Variants in HOMER2 observed in about 807,000 individuals in gnomAD.
HOMER2 encodes the protein homer scaffold protein 2.
Under a neutral mutation model 47.0 loss-of-function variants are expected in HOMER2, and 27 were observed. The observed-to-expected ratio is 0.57, with a 90% CI of 0.42 to 0.79. The LOEUF is 0.79. HOMER2 is among the 30% of genes least tolerant of loss of function. The pLI, the probability that HOMER2 is intolerant of heterozygous loss-of-function variation, is 0.00. For missense variants in HOMER2, 443 were observed against 435.0 expected, an observed-to-expected ratio of 1.02 and a Z score of -0.16; for synonymous variants, 161 against 163.8, an observed-to-expected ratio of 0.98 and a Z score of 0.13.
chr15:82,954,263 A>C (rs1302373754), upstream of HOMER2, among the ~76,000 whole-genome samples: 1 of 152,094 alleles, frequency 6.6e-6, no homozygotes, highest in African/African-American at 2.4e-5. Context: ...CAAGCCACTG[A>C]AATCAGAGTT....
In HOMER2 at chr15:82,879,459, T is replaced by C. The variant is rs956756269; in HGVS notation, c.163-4055A>G. 6.6e-5 allele frequency among the ~76,000 whole-genome samples: 10 copies of C among 152,278 alleles called. No individual in the cohort carries two copies. The South Asian group carries it at 1.0e-3, about 16-fold the overall frequency. On this transcript the variant is annotated intron_variant, in intron 2 of 8. Transcript: ENST00000450735. ...CTGCAGTGAGCCGTGATCGTGCCAC[T>C]GTACTCTAGCCTGGGTGACAAAAGT... is the stretch of plus-strand genomic sequence containing the variant.
At chr15:82,954,233 T>A (rs541942279), upstream of HOMER2, among the ~76,000 whole-genome samples, 1 of 152,224 alleles carries the variant, frequency 6.6e-6, no homozygotes, top group East Asian at 1.9e-4. Context: ...GATTCTGAAG[T>A]GTTCGAATAA....
downstream of HOMER2, chr15:82,847,273 A>G (rs1486108007): frequency 6.6e-6 from 1 of 152,284 alleles, no homozygotes; most frequent in East Asian, 1.9e-4. Context: ...GTAAATGAAA[A>G]GACACTGAGA....
chr15:82,948,072 C>T (rs1281170704), intron 1 of HOMER2, among the ~76,000 whole-genome samples: 1 of 152,098 alleles, frequency 6.6e-6, no homozygotes, highest in African/African-American at 2.4e-5. Flanking sequence ...TGGTAAAACC[C>T]CATCTCTACT....
At chr15:82,893,149 T>C (rs1041880710) in intron 1 of HOMER2, among the ~76,000 whole-genome samples, 1 of 152,200 alleles carries the variant, frequency 6.6e-6, no homozygotes, top group Non-Finnish European at 1.5e-5. Context: ...CTATACTTTT[T>C]CTGACATCCT....
At chr15:82,858,358 C>T (rs1052241388) in intron 5 of HOMER2, among the ~76,000 whole-genome samples, 2 of 151,960 alleles carry the variant, frequency 1.3e-5, no homozygotes, top group Non-Finnish European at 2.9e-5. Flanking sequence ...GGTGCAATCT[C>T]AGCTCACTGC....
intron 1 of HOMER2, among the ~76,000 whole-genome samples, chr15:82,934,371 C>T (rs182981234): frequency 1.3e-5 from 2 of 152,156 alleles, no homozygotes; most frequent in Admixed American, 1.3e-4. Flanking sequence ...GTTCCTCAGC[C>T]TCTTCCACTC....
rs2051885458 is a variant in HOMER2, at chr15:82,864,147, T to C, written c.387+20A>G. 9.1e-6 allele frequency: 14 copies of C among 1,542,506 alleles called. No individual in the cohort carries two copies. Among genetic ancestry groups the C allele is most frequent in the Non-Finnish European group, 1.2e-5 (14 of 1,121,262 alleles). ...TATCACCAACCCCACTGGGATTTAC[T>C]TCATAGACTAATGTCTTACTTGGGA... On this transcript the variant is annotated intron_variant, in intron 4 of 8. Transcript: ENST00000450735.
chr15:82,949,495 T>G (rs1272347715), intron 1 of HOMER2, among the ~76,000 whole-genome samples: 1 of 152,104 alleles, frequency 6.6e-6, no homozygotes, highest in East Asian at 1.9e-4. Context: ...GGCTGAGATC[T>G]GGCAACCCCC....
intron 2 of HOMER2, among the ~76,000 whole-genome samples, chr15:82,877,721 A>C (rs888555821): frequency 2.7e-4 from 41 of 152,266 alleles, no homozygotes; most frequent in African/African-American, 9.6e-4. Flanking sequence ...ACCCTTCCAT[A>C]ATGCCAATGT....
intron 1 of HOMER2, chr15:82,952,004 C>T: frequency 1.0e-6 from 1 of 975,398 alleles, no homozygotes; most frequent in Non-Finnish European, 1.2e-6. Context: ...AAGACTGAAG[C>T]CTCACCTAGG....
intron 2 of HOMER2, among the ~76,000 whole-genome samples, chr15:82,891,945 A>T (rs2052721978): frequency 6.6e-6 from 1 of 152,188 alleles, no homozygotes; most frequent in South Asian, 2.1e-4. Context: ...CATGTAAAAA[A>T]TGTACAGCAG....
chr15:82,908,159 A>C (rs1463569485), intron 1 of HOMER2, among the ~76,000 whole-genome samples: 3 of 152,110 alleles, frequency 2.0e-5, no homozygotes, highest in African/African-American at 7.2e-5. Flanking sequence ...GGGGAATGAA[A>C]ATGTTCTATA....
chr15:82,840,578 TGA>T (rs2051166832), exon 2 of HOMER2: 1 of 152,188 alleles, frequency 6.6e-6, no homozygotes, highest in African/African-American at 2.4e-5. Flanking sequence ...TTCAGCCTCC[TGA>T]GTAGCTGGGA....
At chr15:82,892,872 G>C (rs533205025) in intron 1 of HOMER2, 31 bp from the exon 2 acceptor site, 14 of 1,473,876 alleles carry the variant, frequency 9.5e-6, no homozygotes, top group East Asian at 4.6e-5. Flanking sequence ...TGTGAGTTGA[G>C]AGAACATGAC....
chr15:82,909,900 C>T (rs955737376), intron 1 of HOMER2, among the ~76,000 whole-genome samples: 3 of 151,850 alleles, frequency 2.0e-5, no homozygotes, highest in Admixed American at 6.6e-5. Context: ...TTTGGGAGGC[C>T]GGGACAGATA....
intron 1 of HOMER2, among the ~76,000 whole-genome samples, chr15:82,968,680 CA>C (rs1279051059): frequency 6.6e-6 from 1 of 152,226 alleles, no homozygotes; most frequent in Non-Finnish European, 1.5e-5. Context: ...TTTACAGGTG[CA>C]TAGTATTCCA....
chr15:82,847,706 G>A (rs1282960255), downstream of HOMER2, among the ~76,000 whole-genome samples: 1 of 152,218 alleles, frequency 6.6e-6, no homozygotes, highest in Non-Finnish European at 1.5e-5. Flanking sequence ...ACCTGATAAA[G>A]GCAGAGGTCA....
Position 82,896,926 on chromosome 15 carries a change from T to C in HOMER2, c.6-4085A>G, listed in dbSNP as rs374952909. 2.6e-5 allele frequency among the ~76,000 whole-genome samples: 4 copies of C among 152,310 alleles called. No individual in the cohort carries two copies. In the East Asian group the frequency reaches 5.8e-4, roughly 22 times the overall value. On this transcript the variant is annotated intron_variant, in intron 1 of 8. Coordinates refer to ENST00000450735, the MANE Select transcript of HOMER2 (RefSeq NM_004839.4). The stretch of plus-strand genomic sequence containing the variant: ...CTTTACTGAGTACTTACCATTCTGC[T>C]AGGCTCGCTCTCCACTTTGAAACTG...
Sources: allele counts gnomAD v4.1 joint callset (sites outside exome capture counted in the v4.1 genomes callset), GRCh38; gene constraint gnomAD v4.1.1; transcripts MANE v1.5; gene names NCBI Gene and HGNC (gene_info 2026-07-23, HGNC 2026-07-21).